MOV10L1: variants seen among roughly 807,000 people sequenced by gnomAD.
The protein encoded by MOV10L1 is Mov10 like RNA helicase 1.
In MOV10L1, 110 loss-of-function variants were observed where a neutral mutation model predicts 143.8. The ratio of observed to expected loss-of-function variants is 0.76; its 90% CI spans 0.66 to 0.90. MOV10L1 has a LOEUF of 0.90. Among genes scored for constraint, MOV10L1 ranks in the 40% least tolerant of loss-of-function variants. MOV10L1 has a pLI of 0.00. For missense variants in MOV10L1, 1,406 were observed against 1,526.8 expected, an observed-to-expected ratio of 0.92 and a Z score of 1.32; for synonymous variants, 593 against 581.1, an observed-to-expected ratio of 1.02 and a Z score of -0.29.
At chr22:50,144,824 G>A (rs71316585) in intron 18 of MOV10L1, among the ~76,000 whole-genome samples, 20,895 of 151,878 alleles carry the variant, frequency 0.14, 1,517 homozygotes, top group East Asian at 0.21. Flanking sequence ...CTCATGATCT[G>A]CCCGCCTCGG....
chr22:50,151,530 G>T (rs2063296467), intron 21 of MOV10L1, among the ~76,000 whole-genome samples: 1 of 152,172 alleles, frequency 6.6e-6, no homozygotes, highest in Non-Finnish European at 1.5e-5. Flanking sequence ...GAGCAGGTGG[G>T]GGTCTTCAGG....
intron 19 of MOV10L1, among the ~76,000 whole-genome samples, chr22:50,148,530 C>T (rs2063212521): frequency 6.6e-6 from 1 of 152,226 alleles, no homozygotes; most frequent in Non-Finnish European, 1.5e-5. Context: ...CCTTACCTCC[C>T]TTGTCACACG....
intron 15 of MOV10L1, among the ~76,000 whole-genome samples, chr22:50,136,304 A>G (rs1452805205): frequency 1.3e-5 from 2 of 152,130 alleles, no homozygotes; most frequent in Non-Finnish European, 1.5e-5. Context: ...AGGTGTTACT[A>G]TTTAGGTGGG....
intron 5 of MOV10L1, among the ~76,000 whole-genome samples, chr22:50,110,813 C>G (rs2062004037): frequency 6.6e-6 from 1 of 152,060 alleles, no homozygotes; most frequent in South Asian, 2.1e-4. Context: ...CACCCTTAAT[C>G]CCAGCTACTC....
chr22:50,120,641 G>T (rs370064172), intron 10 of MOV10L1, 25 bp downstream of exon 10: 1 of 1,505,000 alleles, frequency 6.6e-7, no homozygotes, highest in African/African-American at 1.4e-5. Flanking sequence ...ATGGCCTGTG[G>T]GGTGTTGGCA....
intron 3 of MOV10L1, among the ~76,000 whole-genome samples, chr22:50,101,096 G>A (rs1227877842): frequency 2.0e-5 from 3 of 152,144 alleles, no homozygotes; most frequent in African/African-American, 4.8e-5. Context: ...AGCACTGCCT[G>A]TTGGAAGATG....
intron 15 of MOV10L1, among the ~76,000 whole-genome samples, chr22:50,137,869 TAC>T (rs918983626): frequency 9.5e-5 from 14 of 148,028 alleles, no homozygotes; most frequent in Admixed American, 1.4e-4. Flanking sequence ...TTTTTATATA[TAC>T]ACACATATTT....
At chr22:50,094,939 T>TA (rs1213118634) in intron 2 of MOV10L1, 2 of 152,192 alleles carry the variant, frequency 1.3e-5, no homozygotes, top group African/African-American at 2.4e-5. Flanking sequence ...AAATGCAACT[T>TA]ACAGCCAGGC....
rs758654287 is a variant in MOV10L1 at position 50,150,920 on chromosome 22, C to T, written c.2892+21C>T. On this transcript the variant is annotated intron_variant, in intron 21 of 26. Coordinates refer to ENST00000262794, the MANE Select transcript of MOV10L1 (RefSeq NM_018995.3). ...TGTTGGTGAGTCACAGACTCCAGCG[C>T]GTTCAGGTCCCCAGCTAAGCAGACA... The T allele has an allele frequency of 4.0e-5, 64 of 1,613,568 alleles. No individual in the cohort carries two copies. The South Asian group carries it at 6.7e-4, about 17-fold the overall frequency.
At chr22:50,109,392 G>A (rs999970456) in intron 5 of MOV10L1, among the ~76,000 whole-genome samples, 16 of 151,670 alleles carry the variant, frequency 1.1e-4, no homozygotes, top group Non-Finnish European at 1.8e-4. Flanking sequence ...AAGCGAGGCC[G>A]GGCACGGTGG....
chr22:50,142,439 C>T (rs2063016305), intron 16 of MOV10L1, among the ~76,000 whole-genome samples: 1 of 152,188 alleles, frequency 6.6e-6, no homozygotes, highest in African/African-American at 2.4e-5. Context: ...AATCCAGTCT[C>T]TAATATTTGA....
chr22:50,148,987 G>C (rs537908327), intron 19 of MOV10L1, among the ~76,000 whole-genome samples: 2 of 152,216 alleles, frequency 1.3e-5, no homozygotes, highest in African/African-American at 4.8e-5. Flanking sequence ...TAATGGTGCC[G>C]CAGATTGGGA....
intron 15 of MOV10L1, among the ~76,000 whole-genome samples, chr22:50,137,405 A>G (rs1233020443): frequency 6.6e-6 from 1 of 152,202 alleles, no homozygotes; most frequent in African/African-American, 2.4e-5. Flanking sequence ...CAGACTAGAC[A>G]ATGCAGAAGG....
At position 50,160,680 on chromosome 22, in the gene MOV10L1, G is replaced by A. The variant is rs760232497; in HGVS notation, c.3325-8G>A. The A allele has an allele frequency of 6.2e-7, 1 of 1,611,980 alleles. No individual in the cohort carries two copies. Among genetic ancestry groups the A allele is most frequent in the South Asian group, 1.1e-5 (1 of 90,508 alleles). ...GTGCCATTTTTATTCATCTCTGTGT[G>A]CTTTTAGGTACGGTCAAATGAAGAT... On this transcript the variant is annotated splice_polypyrimidine_tract_variant and splice_region_variant and intron_variant, in intron 24 of 26. Coordinates refer to ENST00000262794, the MANE Select transcript of MOV10L1 (RefSeq NM_018995.3).
At chr22:50,137,574 A>C (rs1307803903) in intron 15 of MOV10L1, among the ~76,000 whole-genome samples, 3 of 151,912 alleles carry the variant, frequency 2.0e-5, no homozygotes, top group Non-Finnish European at 4.4e-5. Flanking sequence ...GTGTGGTGGC[A>C]TGTGCCTGTA....
intron 8 of MOV10L1, among the ~76,000 whole-genome samples, chr22:50,116,266 T>A (rs1602202179): frequency 6.7e-6 from 1 of 149,962 alleles, no homozygotes; most frequent in African/African-American, 2.5e-5. Context: ...GCTAACACAG[T>A]GAAACCCTGT....
intron 19 of MOV10L1, chr22:50,146,946 T>G: frequency 1.1e-6 from 1 of 938,738 alleles, no homozygotes; most frequent in South Asian, 1.5e-5. Context: ...GGTTTCAGAC[T>G]AGCCACTGTG....
intron 15 of MOV10L1, among the ~76,000 whole-genome samples, chr22:50,135,537 G>GAT (rs2147292501): frequency 6.6e-6 from 1 of 151,904 alleles, no homozygotes; most frequent in South Asian, 2.1e-4. Flanking sequence ...CAGATCATGA[G>GAT]ATCAGGAGTT....
At chr22:50,097,373 A>G (rs1346939291) in intron 2 of MOV10L1, among the ~76,000 whole-genome samples, 1 of 152,112 alleles carries the variant, frequency 6.6e-6, no homozygotes, top group Admixed American at 6.5e-5. Flanking sequence ...GCCTTTCCAA[A>G]TGCTGAGATT....
Sources: gnomAD v4.1 joint callset for allele counts (sites outside exome capture counted in the v4.1 genomes callset) on GRCh38, gnomAD v4.1.1 for gene constraint, MANE v1.5 for transcripts, NCBI Gene and HGNC (gene_info 2026-07-23, HGNC 2026-07-21) for gene names.